Variants in C12orf42 observed in about 807,000 individuals in gnomAD.
C12orf42 encodes chromosome 12 open reading frame 42, also known as uncharacterized protein C12orf42.
C12orf42 carries 25 observed loss-of-function variants against 21.6 expected under a neutral mutation model. The ratio of observed to expected loss-of-function variants is 1.16; its 90% confidence interval spans 0.84 to 1.62. The LOEUF is 1.62. C12orf42 is among the 40% of genes most tolerant of loss of function. The pLI is 0.00. For synonymous variants in C12orf42, 174 were observed against 175.0 expected (o/e 0.99, Z 0.05); for missense variants, 483 against 459.3 (o/e 1.05, Z -0.47).
intron 4 of C12orf42, among the ~76,000 whole-genome samples, chr12:103,318,689 T>C (rs1047238558): frequency 2.0e-5 from 3 of 152,298 alleles, no homozygotes; most frequent in African/African-American, 7.2e-5. Context: ...TCCCTTTCCT[T>C]TCTCCTGCCC....
intron 4 of C12orf42, among the ~76,000 whole-genome samples, chr12:103,349,709 G>C (rs536525847): frequency 6.6e-6 from 1 of 152,130 alleles, no homozygotes; most frequent in South Asian, 2.1e-4. Context: ...CAAAGACAAT[G>C]TCCTAACATC....
chr12:103,233,945 A>G (rs190368447), downstream of C12orf42, among the ~76,000 whole-genome samples: 593 of 152,322 alleles, frequency 3.9e-3, 3 homozygotes, highest in Non-Finnish European at 6.9e-3. Flanking sequence ...TTGTAGATAT[A>G]CTTCAACAAG....
the C12orf42 span, among the ~76,000 whole-genome samples, chr12:103,219,364 A>C: frequency 0.47 from 70,986 of 152,082 alleles, 16,904 homozygotes; most frequent in East Asian, 0.59. Context: ...AGACTTCATG[A>C]GTGAAACACC....
rs1040243240 is a variant in C12orf42 at position 103,424,252 on chromosome 12, A to G, written c.79-22577T>C. On this transcript the variant is annotated intron_variant, in intron 2 of 5. Coordinates refer to ENST00000548883, the MANE Select transcript of C12orf42 (RefSeq NM_198521.5). ...ATGAGCTAATGAATCTACGAACTGAATCTGTATCTCTGGGGTCAACTATAA... is the reference window on the plus strand; with the variant it reads ...ATGAGCTAATGAATCTACGAACTGAGTCTGTATCTCTGGGGTCAACTATAA... 5.3e-5 allele frequency among the ~76,000 whole-genome samples: 8 copies of G among 152,236 alleles called. No homozygotes were observed. The East Asian group carries it at 1.5e-3, about 29-fold the overall frequency.
At chr12:103,239,899 G>A (rs1593190175) in intron 10 of C12orf42, among the ~76,000 whole-genome samples, 1 of 152,130 alleles carries the variant, frequency 6.6e-6, no homozygotes, top group Admixed American at 6.5e-5. Flanking sequence ...AGACTGGCTT[G>A]CATCCTATCT....
chr12:103,351,743 C>T (rs2043117180), intron 4 of C12orf42, among the ~76,000 whole-genome samples: 1 of 151,958 alleles, frequency 6.6e-6, no homozygotes, highest in South Asian at 2.1e-4. Flanking sequence ...TTCCTTCTGG[C>T]CTAGATGTGT....
At chr12:103,292,950 A>T (rs79201274) in intron 4 of C12orf42, among the ~76,000 whole-genome samples, 1,528 of 152,202 alleles carry the variant, frequency 0.01, 9 homozygotes, top group Non-Finnish European at 0.017. Flanking sequence ...ATAGAGTCAA[A>T]CATGAGAAAA....
the C12orf42 span, among the ~76,000 whole-genome samples, chr12:103,070,964 C>T: frequency 3.2e-4 from 48 of 152,236 alleles, 1 homozygote; most frequent in Middle Eastern, 3.4e-3. Flanking sequence ...AGTGGTGAAT[C>T]GTTAAGTCTG....
chr12:103,304,834 C>T lies in C12orf42; in HGVS notation c.631+1140G>A, dbSNP rs2038105079. Reference sequence around the variant, plus strand: ...CCTTTCTGGAAGAAGGTCTCCCAGCCCCCTGCTTGAGCACTTCTAGCCCAT... The same window carrying T: ...CCTTTCTGGAAGAAGGTCTCCCAGCTCCCTGCTTGAGCACTTCTAGCCCAT... On this transcript the variant is annotated intron_variant, in intron 5 of 5. Coordinates refer to ENST00000548883, the MANE Select transcript of C12orf42 (RefSeq NM_198521.5). Among the ~76,000 whole-genome samples, 11 of 152,322 alleles carry T rather than the reference C, an allele frequency of 7.2e-5. No homozygotes were observed. In the South Asian group the frequency reaches 2.3e-3, roughly 32 times the overall value.
At chr12:103,543,298 C>G in the C12orf42 span, among the ~76,000 whole-genome samples, 39 of 152,218 alleles carry the variant, frequency 2.6e-4, no homozygotes, top group Admixed American at 2.4e-3. Context: ...TATTTATTCT[C>G]TTCTTATACA....
chr12:103,084,057 GA>G, the C12orf42 span, among the ~76,000 whole-genome samples: 1 of 152,132 alleles, frequency 6.6e-6, no homozygotes, highest in Non-Finnish European at 1.5e-5. Flanking sequence ...ACATTTTTAA[GA>G]TGCACTTCCT....
At chr12:103,521,129 C>T in the C12orf42 span, among the ~76,000 whole-genome samples, 1 of 152,204 alleles carries the variant, frequency 6.6e-6, no homozygotes. Context: ...ACGTATGGCA[C>T]TGTGGAAATA....
the C12orf42 span, among the ~76,000 whole-genome samples, chr12:103,098,810 T>C: frequency 6.6e-6 from 1 of 152,238 alleles, no homozygotes; most frequent in Non-Finnish European, 1.5e-5. Flanking sequence ...GTTCCACCTA[T>C]AATAATGCCT....
intron 2 of C12orf42, among the ~76,000 whole-genome samples, chr12:103,424,639 G>A (rs10861001): frequency 0.15 from 23,510 of 152,138 alleles, 1,923 homozygotes; most frequent in African/African-American, 0.21. Flanking sequence ...AGTGCATTCC[G>A]GATACTATGC....
the C12orf42 span, among the ~76,000 whole-genome samples, chr12:103,177,857 TTGTG>T: frequency 8.2e-6 from 1 of 122,640 alleles, no homozygotes; most frequent in African/African-American, 2.7e-5. Flanking sequence ...GTGTGTGTGT[TTGTG>T]TGTGTGTGTG....
At chr12:103,255,331 C>T (rs939631955) in intron 10 of C12orf42, among the ~76,000 whole-genome samples, 1 of 152,124 alleles carries the variant, frequency 6.6e-6, no homozygotes, top group African/African-American at 2.4e-5. Context: ...AAGATCGCAC[C>T]ACTGCACTCC....
chr12:103,142,723 C>A, the C12orf42 span, among the ~76,000 whole-genome samples: 12 of 152,158 alleles, frequency 7.9e-5, no homozygotes, highest in Admixed American at 6.6e-5. Context: ...TCTAAAACCT[C>A]CATGTGAATT....
chr12:103,359,185 C>A (rs1303961335), intron 4 of C12orf42, among the ~76,000 whole-genome samples: 1 of 151,356 alleles, frequency 6.6e-6, no homozygotes, highest in Non-Finnish European at 1.5e-5. Flanking sequence ...ATTCAATAAT[C>A]TTTTTTTTTA....
At chr12:103,302,585 A>T in intron 5 of C12orf42, 26 bp from the exon 6 acceptor site, 1 of 1,579,408 alleles carries the variant, frequency 6.3e-7, no homozygotes, top group Non-Finnish European at 8.6e-7. Flanking sequence ...GGAAAGCAGG[A>T]CAGAGATGAG....
Sources: gnomAD v4.1 joint callset for allele counts (sites outside exome capture counted in the v4.1 genomes callset) on GRCh38, gnomAD v4.1.1 for gene constraint, MANE v1.5 for transcripts, NCBI Gene and HGNC (gene_info 2026-07-23, HGNC 2026-07-21) for gene names.